The following CD34 variants were observed in gnomAD, a reference collection of about 807,000 sequenced individuals.
CD34 encodes the protein hematopoietic progenitor cell antigen CD34.
CD34 carries 34 observed loss-of-function variants against 40.1 expected under a neutral mutation model. The observed-to-expected ratio is 0.85, with a 90% CI of 0.65 to 1.13. The LOEUF (loss-of-function observed/expected upper bound fraction) is 1.13. Among genes scored for constraint, CD34 ranks in the 50% most tolerant of loss-of-function variants. The probability of loss-of-function intolerance (pLI) is 0.00; values close to 1 mark genes in which losing one functional copy is unlikely to be tolerated. For missense variants in CD34, 426 were observed against 466.9 expected (o/e 0.91, Z 0.81); for synonymous variants, 209 against 190.0 (o/e 1.10, Z -0.82).
intron 2 of CD34, 59 bp from the exon 3 acceptor site, chr1:207,899,285 C>T: frequency 6.3e-7 from 1 of 1,578,978 alleles, no homozygotes; most frequent in Middle Eastern, 1.9e-4. Flanking sequence ...TACACAAAAT[C>T]TCAGGTCATG....
chr1:207,898,684 G>C (rs1325218171), intron 3 of CD34, among the ~76,000 whole-genome samples: 3 of 152,200 alleles, frequency 2.0e-5, no homozygotes, highest in Admixed American at 6.5e-5. Flanking sequence ...CCCACTGATA[G>C]GTACTAGAAA....
At chr1:207,888,944 C>T in intron 6 of CD34, 98 bp from the exon 7 acceptor site, 2 of 1,242,066 alleles carry the variant, frequency 1.6e-6, no homozygotes, top group South Asian at 1.4e-5. Context: ...TGAACAGATG[C>T]TTGAGGGCAT....
At chr1:207,891,227 T>G (rs1348528435) in intron 4 of CD34, among the ~76,000 whole-genome samples, 1 of 152,086 alleles carries the variant, frequency 6.6e-6, no homozygotes, top group Non-Finnish European at 1.5e-5. Context: ...ACCTTGACAA[T>G]GTATCAAGCC....
In CD34 at chr1:207,888,826, A is replaced by G; in HGVS notation, c.828T>C (p.Thr276=). Residue 276 remains threonine (T), a synonymous_variant, in exon 7 of 8, where the codon ACT becomes ACC. Transcript: ENST00000310833. ...TCTGGTGGCTTGCAACATCTTGCTCAGTGAAATCTAGGATCCCCAGCTTGA... is the reference window on the plus strand; with the variant it reads ...TCTGGTGGCTTGCAACATCTTGCTCGGTGAAATCTAGGATCCCCAGCTTGA... ...DLKKLGILDF[T]EQDVASHQSY... is the part of the protein sequence containing the mutation. The G allele has an allele frequency of 6.2e-7, 1 of 1,614,040 alleles. No individual in the cohort carries two copies. The highest frequency in any genetic ancestry group is 8.5e-7 in the Non-Finnish European group (1 of 1,179,942).
At chr1:207,892,555 C>T (rs765604582) in intron 4 of CD34, among the ~76,000 whole-genome samples, 9 of 151,250 alleles carry the variant, frequency 6.0e-5, no homozygotes, top group African/African-American at 7.3e-5. Context: ...CTCTGCACTC[C>T]GGCCTGGGCA....
At position 207,888,757 on chromosome 1, in the gene CD34, G is replaced by A. The variant is rs1331627542; in HGVS notation, c.897C>T (p.Ala299=). ...KTLIALVTSG[A]LLAVLGITGY... ...CAGTGATGCCCAAGACAGCCAGCAG[G>A]GCTCCCGAGGTGACCAGTGCAATCA... is the stretch of plus-strand genomic sequence containing the variant. The change falls in exon 7 of 8, where the codon GCC becomes GCT. Residue 299 remains alanine (A), a synonymous_variant. Transcript: ENST00000310833. 1.9e-6 allele frequency: 3 copies of A among 1,614,218 alleles called. No homozygotes were observed. Among genetic ancestry groups the A allele is most frequent in the Admixed American group, 1.7e-5 (1 of 60,028 alleles).
chr1:207,892,779 G>T (rs1413858682), intron 4 of CD34, among the ~76,000 whole-genome samples: 1 of 151,952 alleles, frequency 6.6e-6, no homozygotes, highest in African/African-American at 2.4e-5. Context: ...GTGTGTGTTG[G>T]GGGGAGTGCA....
rs749361638 is a variant in CD34, at chr1:207,886,587, T to C, written c.*1151A>G. ...CAGTATTTAAACACATCACTTTGTA[T>C]TCAGAAAAAATATCTACCCAATACT... On this transcript the variant is annotated 3_prime_UTR_variant, in exon 8 of 8. Transcript: ENST00000310833. The C allele has an allele frequency of 2.4e-4, 37 of 152,628 alleles. No individual in the cohort carries two copies. The highest frequency in any genetic ancestry group is 4.1e-4 in the Non-Finnish European group (28 of 68,040). 9.5% of individuals were successfully genotyped at this position (152,628 alleles called of 1,614,324 possible).
In CD34 at chr1:207,884,676, C is replaced by T. The variant is rs1299671127; in HGVS notation, c.*3062G>A. ...TAGATGGTATTCCCATTTATCCATTCAGATGAAAATCTGGCTGAAGATAAT... is the reference window on the plus strand; with the variant it reads ...TAGATGGTATTCCCATTTATCCATTTAGATGAAAATCTGGCTGAAGATAAT... On this transcript the variant is annotated 3_prime_UTR_variant, in exon 8 of 8. Coordinates refer to ENST00000310833, the MANE Select transcript of CD34 (RefSeq NM_001025109.2). 6.6e-6 allele frequency: 1 copy of T among 152,174 alleles called. No homozygotes were observed. Among genetic ancestry groups the T allele is most frequent in the Non-Finnish European group, 1.5e-5 (1 of 68,048 alleles). The allele number at this position is 152,174 out of a possible 1,614,324, so 9.4% of individuals were successfully genotyped here. A position where few individuals can be genotyped will look rare whatever the true frequency, so the allele number is the denominator to read the frequency against.
chr1:207,893,966 A>G (rs1662087849), intron 4 of CD34, among the ~76,000 whole-genome samples: 1 of 152,208 alleles, frequency 6.6e-6, no homozygotes, highest in African/African-American at 2.4e-5. Flanking sequence ...CTTGTACCCT[A>G]CTGGTGGGAA....
intron 6 of CD34, 115 bp from the exon 7 acceptor site, chr1:207,888,961 C>G: frequency 8.9e-7 from 1 of 1,128,714 alleles, no homozygotes; most frequent in Non-Finnish European, 1.3e-6. Flanking sequence ...GCATTGACCT[C>G]AGGAATTTTT....
Position 207,899,897 on chromosome 1 carries a change from T to C in CD34, c.186A>G (p.Thr62=). The part of the protein sequence containing the change: ...VSTNVSYQET[T]TPSTLGSTSL... ...TGGTACTTCCAAGGGTACTAGGTGT[T>C]GTAGTTTCTTGGTAGGATACATTTG... The change falls in exon 2 of 8, where the codon ACA becomes ACG. Residue 62 remains threonine, a synonymous_variant. Transcript: ENST00000310833. 6.2e-7 allele frequency: 1 copy of C among 1,614,062 alleles called. No homozygotes were observed.
Position 207,887,391 on chromosome 1 carries a change from G to T in CD34, c.*347C>A. The T allele has an allele frequency of 4.2e-6, 1 of 237,408 alleles. No homozygotes were observed. The highest frequency in any genetic ancestry group is 8.1e-6 in the Non-Finnish European group (1 of 123,212). 14.7% of individuals were successfully genotyped at this position (237,408 alleles called of 1,614,324 possible). A position where few individuals can be genotyped will look rare whatever the true frequency, so the allele number is the denominator to read the frequency against. ...CTAGAAAAGCTCATCTTTCCCCTGG[G>T]GGTTCCTGTATTGCGGCAGAGAGGA... On this transcript the variant is annotated 3_prime_UTR_variant, in exon 8 of 8. Transcript: ENST00000310833.
intron 6 of CD34, 50 bp from the exon 7 acceptor site, chr1:207,888,896 GC>G: frequency 6.3e-7 from 1 of 1,576,718 alleles, no homozygotes; most frequent in Non-Finnish European, 8.7e-7. Context: ...CAAAAGTGGA[GC>G]CCAGCCCGCT....
At chr1:207,888,046 G>A in intron 7 of CD34, 123 bp from the exon 8 acceptor site, 3 of 1,582,292 alleles carry the variant, frequency 1.9e-6, no homozygotes, top group Non-Finnish European at 2.6e-6. Context: ...GAGGTGGGAG[G>A]AAGGATCGGA....
chr1:207,883,737 G>A lies in CD34; in HGVS notation c.*4001C>T, dbSNP rs1421821286. ...TCAAAAACTGTTAGCTACTATCATT[G>A]TAAATATGATTATTATTTGAAGAAA... On this transcript the variant is annotated 3_prime_UTR_variant, in exon 8 of 8. Transcript: ENST00000310833. 1 of 152,168 alleles carries A rather than the reference G, an allele frequency of 6.6e-6. No individual in the cohort carries two copies. Among genetic ancestry groups the A allele is most frequent in the Non-Finnish European group, 1.5e-5 (1 of 68,020 alleles). The allele number at this position is 152,168 out of a possible 1,614,324, so 9.4% of individuals were successfully genotyped here. A position where few individuals can be genotyped will look rare whatever the true frequency, so the allele number is the denominator to read the frequency against.
chr1:207,893,278 C>T (rs146820201), intron 4 of CD34, among the ~76,000 whole-genome samples: 155 of 152,166 alleles, frequency 1.0e-3, no homozygotes, highest in African/African-American at 3.3e-3. Context: ...GCAATGGGGA[C>T]GGAGATGGGG....
intron 1 of CD34, among the ~76,000 whole-genome samples, chr1:207,901,043 C>T (rs1662263379): frequency 6.8e-6 from 1 of 146,386 alleles, no homozygotes; most frequent in South Asian, 2.1e-4. Flanking sequence ...GTCATCACAG[C>T]ACCCAGGCTA....
At chr1:207,910,565 C>T (rs1662487072) in intron 1 of CD34, among the ~76,000 whole-genome samples, 1 of 152,180 alleles carries the variant, frequency 6.6e-6, no homozygotes. Context: ...AAGGTGGGCA[C>T]ACCGGCCCCT....
Sources: gnomAD v4.1 joint callset for allele counts (sites outside exome capture counted in the v4.1 genomes callset) on GRCh38, gnomAD v4.1.1 for gene constraint, MANE v1.5 for transcripts, NCBI Gene and HGNC (gene_info 2026-07-23, HGNC 2026-07-21) for gene names.